The following VPS35L variants were observed in gnomAD, a reference collection of about 807,000 sequenced individuals.
VPS35L encodes VPS35 endosomal protein-sorting factor-like.
In VPS35L, 83 loss-of-function variants were observed where a neutral mutation model predicts 133.0. The observed-to-expected ratio is 0.62, with a 90% CI of 0.52 to 0.75. VPS35L has a LOEUF of 0.75. Among genes scored for constraint, VPS35L ranks in the 30% least tolerant of loss-of-function variants. The probability of loss-of-function intolerance (pLI) is 0.00; values close to 1 mark genes in which losing one functional copy is unlikely to be tolerated. For missense variants in VPS35L, 1,083 were observed against 1,206.8 expected (o/e 0.90, Z 1.52); for synonymous variants, 423 against 449.9 (o/e 0.94, Z 0.76).
At chr16:19,689,128 G>T (rs537351356) in intron 28 of VPS35L, among the ~76,000 whole-genome samples, 3 of 149,588 alleles carry the variant, frequency 2.0e-5, no homozygotes, top group Admixed American at 6.7e-5. Flanking sequence ...ACAGGCGCGT[G>T]CCACCACGCC....
intron 5 of VPS35L, among the ~76,000 whole-genome samples, chr16:19,576,152 C>T (rs375271114): frequency 8.0e-5 from 11 of 137,212 alleles, no homozygotes; most frequent in East Asian, 2.1e-4. Flanking sequence ...GGTGACAGAG[C>T]GAGACTCTGT....
At chr16:19,694,616 A>C (rs1220921127) in intron 29 of VPS35L, among the ~76,000 whole-genome samples, 1 of 152,026 alleles carries the variant, frequency 6.6e-6, no homozygotes, top group Non-Finnish European at 1.5e-5. Flanking sequence ...CAGCCTCCCA[A>C]GTAGCTGGGA....
intron 6 of VPS35L, chr16:19,579,473 A>G (rs1175283596): frequency 5.8e-6 from 1 of 173,124 alleles, no homozygotes; most frequent in African/African-American, 2.4e-5. Flanking sequence ...AGGCGGGAGG[A>G]TCACCTGAGG....
At chr16:19,629,071 C>T (rs992329282) in intron 17 of VPS35L, among the ~76,000 whole-genome samples, 1 of 152,160 alleles carries the variant, frequency 6.6e-6, no homozygotes, top group Admixed American at 6.6e-5. Context: ...CCACTTTGCC[C>T]GGCCTGCCAT....
intron 12 of VPS35L, among the ~76,000 whole-genome samples, chr16:19,612,783 T>C (rs73535626): frequency 0.031 from 4,648 of 152,266 alleles, 229 homozygotes; most frequent in African/African-American, 0.1. Context: ...AGATCAGGTA[T>C]GTGAGTTAGG....
chr16:19,628,434 A>G (rs1973338616), intron 16 of VPS35L, among the ~76,000 whole-genome samples: 1 of 152,242 alleles, frequency 6.6e-6, no homozygotes, highest in South Asian at 2.1e-4. Flanking sequence ...GCCCCACATT[A>G]GACCAACAGA....
chr16:19,573,229 A>C lies in VPS35L; in HGVS notation c.396A>C (p.Glu132Asp), dbSNP rs989162977. The change falls in exon 4 of 31, where the codon GAA (glutamate) becomes GAC (aspartate). Residue 132 changes from glutamate to aspartate, a missense_variant. Physicochemically the swap from Glu to Asp is conservative, Grantham distance 45 (BLOSUM62 2). Transcript: ENST00000417362. ...TCCTTGCCCGGTACACCACTACCGA[A>C]AAGCTGTCTATTGTGAGTACCAGGA... is the stretch of plus-strand genomic sequence containing the variant. ...GEILARYTTT[E>D]KLSINLFMGS... The C allele has an allele frequency of 1.2e-6, 2 of 1,613,748 alleles. No individual in the cohort carries two copies. The highest frequency in any genetic ancestry group is 1.7e-6 in the Non-Finnish European group (2 of 1,179,774).
intron 5 of VPS35L, among the ~76,000 whole-genome samples, chr16:19,577,197 G>T (rs1377153053): frequency 3.3e-5 from 5 of 152,192 alleles, no homozygotes; most frequent in African/African-American, 1.2e-4. Context: ...TATATAAGAA[G>T]CATGGTGCAG....
At chr16:19,582,556 C>T (rs1327794929) in intron 7 of VPS35L, among the ~76,000 whole-genome samples, 2 of 152,168 alleles carry the variant, frequency 1.3e-5, no homozygotes, top group Non-Finnish European at 2.9e-5. Context: ...TCTTCAATCA[C>T]TGTTGTTAGT....
Position 19,647,853 on chromosome 16 carries a change from C to T in VPS35L, c.1999C>T (p.Leu667=). 1 of 1,614,110 alleles carries T rather than the reference C, an allele frequency of 6.2e-7. No individual in the cohort carries two copies. Among genetic ancestry groups the T allele is most frequent in the Non-Finnish European group, 8.5e-7 (1 of 1,179,980 alleles). Residue 667 remains leucine (L), a synonymous_variant, in exon 24 of 31, where the codon CTG becomes TTG. Transcript: ENST00000417362. The part of the protein sequence containing the change: ...YVESRSMFCN[L]EPVLVQLIHS... ...TGAGTCCAGGTCGATGTTTTGCAAT[C>T]TGGAGCCTGTTCTTGTGCAGTTGAT...
chr16:19,590,239 C>T (rs1972004146), intron 7 of VPS35L, among the ~76,000 whole-genome samples: 1 of 140,964 alleles, frequency 7.1e-6, no homozygotes, highest in African/African-American at 2.6e-5. Flanking sequence ...TATGGAGAAA[C>T]TTGGTGACTC....
At position 19,650,374 on chromosome 16, in the gene VPS35L, A is replaced by G; in HGVS notation, c.2029-8A>G. On this transcript the variant is annotated splice_polypyrimidine_tract_variant and splice_region_variant and intron_variant, in intron 24 of 30. Transcript: ENST00000417362. Reference sequence around the variant, plus strand: ...TCATTACCATTTCTATTTTATTAATAAATTCAGAGTGTGAACCGGTTGGCA... The same window carrying G: ...TCATTACCATTTCTATTTTATTAATGAATTCAGAGTGTGAACCGGTTGGCA... 1 of 1,603,560 alleles carries G rather than the reference A, an allele frequency of 6.2e-7. No homozygotes were observed. Among genetic ancestry groups the G allele is most frequent in the Non-Finnish European group, 8.5e-7 (1 of 1,170,494 alleles).
At chr16:19,573,759 G>T (rs752825943) in intron 4 of VPS35L, among the ~76,000 whole-genome samples, 7 of 152,098 alleles carry the variant, frequency 4.6e-5, no homozygotes, top group Non-Finnish European at 8.8e-5. Flanking sequence ...GTTACATTGC[G>T]CAGAGATCAC....
chr16:19,569,257 T>A (rs749733276), intron 2 of VPS35L, 167 bp from the exon 3 acceptor site: 2 of 785,040 alleles, frequency 2.5e-6, no homozygotes, highest in South Asian at 2.9e-5. Flanking sequence ...TGATCCTGAG[T>A]CATGTCCATT....
chr16:19,613,730 T>G (rs971757144), intron 12 of VPS35L, among the ~76,000 whole-genome samples: 1 of 152,282 alleles, frequency 6.6e-6, no homozygotes, highest in Non-Finnish European at 1.5e-5. Context: ...CTGGGGTTGG[T>G]GTCTGGGTAC....
intron 2 of VPS35L, among the ~76,000 whole-genome samples, chr16:19,566,994 C>T (rs890099806): frequency 3.3e-5 from 5 of 151,998 alleles, no homozygotes; most frequent in East Asian, 1.9e-4. Flanking sequence ...TCAGGTGATC[C>T]GCCTGCCTCA....
intron 9 of VPS35L, among the ~76,000 whole-genome samples, chr16:19,604,181 G>A (rs1972474262): frequency 2.0e-5 from 3 of 150,826 alleles, no homozygotes; most frequent in African/African-American, 7.3e-5. Context: ...TTTGATACAG[G>A]CTCTAGTTCT....
At chr16:19,575,190 G>GA in intron 5 of VPS35L, 68 bp downstream of exon 5, 1 of 1,477,440 alleles carries the variant, frequency 6.8e-7, no homozygotes, top group Non-Finnish European at 9.4e-7. Context: ...TTTTACAAAG[G>GA]AAAAAAGTTT....
At chr16:19,683,725 A>G (rs1325100727) in intron 28 of VPS35L, among the ~76,000 whole-genome samples, 1 of 152,222 alleles carries the variant, frequency 6.6e-6, no homozygotes, top group African/African-American at 2.4e-5. Context: ...AGTTGATGCT[A>G]TGTTTTTGCT....
Sources: allele counts gnomAD v4.1 joint callset (sites outside exome capture counted in the v4.1 genomes callset), GRCh38; gene constraint gnomAD v4.1.1; transcripts MANE v1.5; gene names NCBI Gene and HGNC (gene_info 2026-07-23, HGNC 2026-07-21).